Variants in FSTL4 observed in about 807,000 individuals in gnomAD.
FSTL4 encodes follistatin like 4.
FSTL4 carries 28 observed loss-of-function variants against 78.2 expected under a neutral mutation model. The ratio of observed to expected loss-of-function variants is 0.36; its 90% CI spans 0.27 to 0.49. FSTL4 has a LOEUF of 0.49. Among genes scored for constraint, FSTL4 ranks in the 20% least tolerant of loss-of-function variants. The pLI is 0.98. For synonymous variants in FSTL4, 422 were observed against 440.5 expected (o/e 0.96, Z 0.53); for missense variants, 922 against 1,084.9 (o/e 0.85, Z 2.11).
chr5:133,571,619 G>A (rs1228477762), intron 2 of FSTL4, among the ~76,000 whole-genome samples: 2 of 152,170 alleles, frequency 1.3e-5, no homozygotes, highest in East Asian at 3.8e-4. Context: ...GGTGATGGAT[G>A]CACCAAAATC....
At chr5:133,643,064 A>C in the FSTL4 span, among the ~76,000 whole-genome samples, 1 of 152,244 alleles carries the variant, frequency 6.6e-6, no homozygotes, top group Admixed American at 6.5e-5. Context: ...ATCTTTTCAG[A>C]AGTGTATTAT....
chr5:133,546,548 T>C (rs1467326087), intron 3 of FSTL4, among the ~76,000 whole-genome samples: 2 of 149,634 alleles, frequency 1.3e-5, no homozygotes, highest in African/African-American at 2.5e-5. Flanking sequence ...AAAAGTGTGT[T>C]CAGGAGAGGA....
chr5:133,507,896 A>G (rs1356055508), intron 3 of FSTL4, among the ~76,000 whole-genome samples: 1 of 150,800 alleles, frequency 6.6e-6, no homozygotes, highest in Non-Finnish European at 1.5e-5. Flanking sequence ...TTTTTTAAAA[A>G]TACAGTATAA....
chr5:133,233,580 A>T lies in FSTL4; in HGVS notation c.895-43T>A, dbSNP rs199847473. ...GACGATGAGACTGGCCTCTTTATTG[A>T]ACGGGCTGGAAACCATAGCTGTCTC... On this transcript the variant is annotated intron_variant, in intron 7 of 15. Transcript: ENST00000265342. 2,968 of 1,608,856 alleles carry T rather than the reference A, an allele frequency of 1.8e-3. 5 individuals carry two copies. The highest frequency in any genetic ancestry group is 2.4e-3 in the Non-Finnish European group (2,773 of 1,175,996).
the FSTL4 span, among the ~76,000 whole-genome samples, chr5:133,628,362 TTTTC>T: frequency 1.9e-4 from 22 of 118,172 alleles, no homozygotes; most frequent in African/African-American, 8.8e-5. Flanking sequence ...TTTTCTTTTC[TTTTC>T]TTTTTTTTTT....
chr5:133,711,722 A>G, the FSTL4 span, among the ~76,000 whole-genome samples: 1 of 152,230 alleles, frequency 6.6e-6, no homozygotes, highest in Non-Finnish European at 1.5e-5. Context: ...GGAAAACACA[A>G]AAACCATGAT....
chr5:133,259,474 C>T (rs1261094086), intron 6 of FSTL4, among the ~76,000 whole-genome samples: 3 of 149,620 alleles, frequency 2.0e-5, no homozygotes, highest in African/African-American at 4.9e-5. Flanking sequence ...GGACTGATGG[C>T]TGTAATTTAA....
the FSTL4 span, among the ~76,000 whole-genome samples, chr5:133,736,170 C>G: frequency 1.3e-5 from 2 of 152,090 alleles, no homozygotes; most frequent in African/African-American, 4.8e-5. Context: ...TAAAAGGAAG[C>G]CAAGGAGGAT....
the FSTL4 span, among the ~76,000 whole-genome samples, chr5:133,664,851 C>T: frequency 1.3e-5 from 2 of 152,180 alleles, no homozygotes; most frequent in Non-Finnish European, 2.9e-5. Flanking sequence ...TGAAAAATGA[C>T]TCAGTATACA....
chr5:133,655,553 A>G, the FSTL4 span, among the ~76,000 whole-genome samples: 1 of 152,228 alleles, frequency 6.6e-6, no homozygotes, highest in Non-Finnish European at 1.5e-5. Flanking sequence ...AGTATCTCCT[A>G]TCATCCAGGC....
At chr5:133,287,261 G>T (rs10045876) in intron 6 of FSTL4, among the ~76,000 whole-genome samples, 1 of 151,982 alleles carries the variant, frequency 6.6e-6, no homozygotes, top group South Asian at 2.1e-4. Context: ...GGTGGCGGGC[G>T]CCTGTAGTCC....
intron 6 of FSTL4, among the ~76,000 whole-genome samples, chr5:133,286,744 T>C (rs1753138729): frequency 6.6e-6 from 1 of 152,218 alleles, no homozygotes; most frequent in Non-Finnish European, 1.5e-5. Context: ...GCAAGGATCC[T>C]AACAAGCAGA....
the FSTL4 span, among the ~76,000 whole-genome samples, chr5:133,625,846 TATATATATATTCC>T: frequency 4.5e-5 from 1 of 22,320 alleles, no homozygotes; most frequent in Non-Finnish European, 8.3e-5. Context: ...ATATATTCCA[TATATATATATTCC>T]ATATATATAT....
At chr5:133,369,919 A>ACCTC (rs1329496448) in intron 4 of FSTL4, among the ~76,000 whole-genome samples, 10 of 151,284 alleles carry the variant, frequency 6.6e-5, no homozygotes, top group African/African-American at 2.4e-4. Flanking sequence ...GTAGAAGAGC[A>ACCTC]CCTCCCTCCC....
the FSTL4 span, among the ~76,000 whole-genome samples, chr5:133,717,184 C>T: frequency 6.6e-6 from 1 of 152,216 alleles, no homozygotes; most frequent in Non-Finnish European, 1.5e-5. Flanking sequence ...CTAGTTTGAA[C>T]AGTTAAAATT....
chr5:133,626,582 T>C, the FSTL4 span, among the ~76,000 whole-genome samples: 2 of 151,552 alleles, frequency 1.3e-5, no homozygotes, highest in East Asian at 3.9e-4. Flanking sequence ...TGATATGATG[T>C]GTTCTCATTT....
intron 4 of FSTL4, among the ~76,000 whole-genome samples, chr5:133,326,839 G>C (rs999598434): frequency 6.6e-6 from 1 of 152,212 alleles, no homozygotes; most frequent in Non-Finnish European, 1.5e-5. Context: ...CACGTTCTTA[G>C]AGAACACTGC....
the FSTL4 span, among the ~76,000 whole-genome samples, chr5:133,829,495 A>T: frequency 6.6e-6 from 1 of 152,216 alleles, no homozygotes; most frequent in Non-Finnish European, 1.5e-5. Context: ...CCATTCATTT[A>T]TTCAGCACCT....
intron 6 of FSTL4, among the ~76,000 whole-genome samples, chr5:133,256,083 G>GA (rs1015492114): frequency 6.6e-6 from 1 of 152,064 alleles, no homozygotes; most frequent in Non-Finnish European, 1.5e-5. Context: ...TGCCATTGGT[G>GA]AAAAAAACCC....
Sources: allele counts gnomAD v4.1 joint callset (sites outside exome capture counted in the v4.1 genomes callset), GRCh38; gene constraint gnomAD v4.1.1; transcripts MANE v1.5; gene names NCBI Gene and HGNC (gene_info 2026-07-23, HGNC 2026-07-21).